The following MYO1F variants were observed in gnomAD, a reference collection of about 807,000 sequenced individuals.
MYO1F encodes unconventional myosin-If.
MYO1F carries 60 observed loss-of-function variants against 146.6 expected under a neutral mutation model. The observed-to-expected ratio is 0.41, with a 90% CI of 0.33 to 0.51. The LOEUF (loss-of-function observed/expected upper bound fraction) is 0.51. Ranked by LOEUF, MYO1F falls within the 20% of genes least tolerant of loss-of-function variation. MYO1F has a pLI of 0.25. For missense variants in MYO1F, 1,274 were observed against 1,534.3 expected (o/e 0.83, Z 2.83); for synonymous variants, 602 against 602.1 (o/e 1.00, Z 0.00).
intron 19 of MYO1F, 129 bp downstream of exon 19, chr19:8,536,123 A>G (rs1350966304): frequency 6.0e-5 from 73 of 1,218,536 alleles, no homozygotes; most frequent in South Asian, 1.0e-4. Context: ...CTGTTTCTCA[A>G]TTTCTCAATC....
intron 1 of MYO1F, among the ~76,000 whole-genome samples, chr19:8,559,985 A>G (rs945962963): frequency 2.0e-5 from 3 of 150,310 alleles, no homozygotes; most frequent in Non-Finnish European, 4.4e-5. Flanking sequence ...AAGAATTAAC[A>G]CTCAGCGAGC....
rs190474061 is a variant in MYO1F at position 8,545,556 on chromosome 19, G to A, written c.1356+94C>T. ...GAGTGTAGGGTAGAGAAGGGCCTGA[G>A]GATGCCATAACACCCTTGGCCCTCC... On this transcript the variant is annotated intron_variant, in intron 13 of 27. Coordinates refer to ENST00000644032, the MANE Select transcript of MYO1F (RefSeq NM_012335.4). 332 of 1,025,910 alleles carry A rather than the reference G, an allele frequency of 3.2e-4. 1 individual carries two copies. The Admixed American group carries it at 5.5e-3, about 17-fold the overall frequency. The allele number at this position is 1,025,910 out of a possible 1,614,324, so 63.6% of individuals were successfully genotyped here.
At chr19:8,560,705 A>G (rs1974054561) in intron 1 of MYO1F, among the ~76,000 whole-genome samples, 1 of 148,756 alleles carries the variant, frequency 6.7e-6, no homozygotes, top group African/African-American at 2.5e-5. Flanking sequence ...CCTCCTGTGT[A>G]GCTGAGACTA....
At position 8,550,186 on chromosome 19, in the gene MYO1F, C is replaced by A; in HGVS notation, c.1075G>T (p.Ala359Ser). 1.9e-6 allele frequency: 3 copies of A among 1,614,160 alleles called. No homozygotes were observed. The South Asian group carries it at 3.3e-5, about 18-fold the overall frequency. ...TCCACGAGGAAGTCGAAGAGGCGGG[C>A]ATAGAGCCCCTTGGCCAGGGCATCA... Reference protein sequence around the residue: ...TRDALAKGLYARLFDFLVEAI... With the variant: ...TRDALAKGLYSRLFDFLVEAI... The change falls in exon 10 of 28, where the codon GCC becomes TCC. Residue 359 changes from alanine to serine, a missense_variant. Coordinates refer to ENST00000644032, the MANE Select transcript of MYO1F (RefSeq NM_012335.4).
At position 8,559,671 on chromosome 19, in the gene MYO1F, C is replaced by T. The variant is rs771120029; in HGVS notation, c.4-3875G>A. 5.9e-5 allele frequency among the ~76,000 whole-genome samples: 9 copies of T among 152,106 alleles called. No homozygotes were observed. In the East Asian group the frequency reaches 9.7e-4, roughly 16 times the overall value. On this transcript the variant is annotated intron_variant, in intron 1 of 27. Transcript: ENST00000644032. ...GGGCATTTGAAAGAATTAACACGAC[C>T]GGGCGCGGTGGCTCACACCTGCAAT... is the stretch of plus-strand genomic sequence containing the variant.
In MYO1F at chr19:8,577,163, C is replaced by T. The variant is rs1285518184; in HGVS notation, c.3+144G>A. Reference sequence around the variant, plus strand: ...GTAAGGGATGCTGGAGGCACCTGAGCTGCACTGAGAGACACCCCACCCCCA... The same window carrying T: ...GTAAGGGATGCTGGAGGCACCTGAGTTGCACTGAGAGACACCCCACCCCCA... On this transcript the variant is annotated intron_variant, in intron 1 of 27. Transcript: ENST00000644032. The surrounding 1 kb of genome is among the most constrained non-coding windows in gnomAD (Gnocchi z 4.3). 1.9e-5 allele frequency: 18 copies of T among 956,966 alleles called. No homozygotes were observed. The highest frequency in any genetic ancestry group is 5.6e-5 in the South Asian group (4 of 71,410). The allele number at this position is 956,966 out of a possible 1,614,324, so 59.3% of individuals were successfully genotyped here.
At chr19:8,574,480 C>G (rs375463795) in intron 1 of MYO1F, among the ~76,000 whole-genome samples, 2 of 152,058 alleles carry the variant, frequency 1.3e-5, no homozygotes, top group African/African-American at 4.8e-5. Flanking sequence ...GACCATGGAG[C>G]GGGGCATTAG....
At position 8,537,018 on chromosome 19, in the gene MYO1F, C is replaced by T. The variant is rs1327097271; in HGVS notation, c.1730G>A (p.Cys577Tyr). The T allele has an allele frequency of 6.2e-7, 1 of 1,613,176 alleles. No individual in the cohort carries two copies. Among genetic ancestry groups the T allele is most frequent in the Non-Finnish European group, 8.5e-7 (1 of 1,179,740 alleles). ...ANDLVATLMR[C>Y]TPHYIRCIKP... ...GATGCAGCGGATGTAGTGGGGTGTG[C>T]ACCTCATCAGTGTGGCCACCAGGTC... The change falls in exon 17 of 28, where the codon TGC (cysteine) becomes TAC (tyrosine). Residue 577 changes from cysteine (C) to tyrosine (Y), a missense_variant. Transcript: ENST00000644032.
rs2042178966 is a variant in MYO1F, at chr19:8,574,581, CTCTCTCTCTCTCTCTCTT to C, written c.3+2708_3+2725del. Among the ~76,000 whole-genome samples, 34 of 97,346 alleles carry C rather than the reference CTCTCTCTCTCTCTCTCTT, an allele frequency of 3.5e-4. 3 individuals carry two copies. Among genetic ancestry groups the C allele is most frequent in the East Asian group, 1.6e-3 (6 of 3,862 alleles). The allele number at this position is 97,346 out of a possible 152,430, so 63.9% of individuals were successfully genotyped here. A position where few individuals can be genotyped will look rare whatever the true frequency, so the allele number is the denominator to read the frequency against. ...TTTCTTTCTTTCTTTCTTTCTTTCT[CTCTCTCTCTCTCTCTCTT>C]TCTTTCTTTCTTTCTTTCTTTCTTT... is the stretch of plus-strand genomic sequence containing the variant. On this transcript the variant is annotated intron_variant, in intron 1 of 27. Coordinates refer to ENST00000644032, the MANE Select transcript of MYO1F (RefSeq NM_012335.4).
At chr19:8,549,075 C>T (rs1449870290) in intron 10 of MYO1F, among the ~76,000 whole-genome samples, 14 of 151,986 alleles carry the variant, frequency 9.2e-5, no homozygotes, top group Admixed American at 9.2e-4. Flanking sequence ...CTCAGCCTCC[C>T]AAGTAGCTGG....
At chr19:8,526,653 C>T (rs922419582) in intron 23 of MYO1F, 52 bp from the exon 24 acceptor site, 4 of 1,559,022 alleles carry the variant, frequency 2.6e-6, no homozygotes, top group Admixed American at 3.9e-5. Context: ...CCCCGCCCCA[C>T]CCAACTCTCG....
At position 8,555,779 on chromosome 19, in the gene MYO1F, G is replaced by A. The variant is rs369340970; in HGVS notation, c.21C>T (p.Phe7=). The part of the protein sequence containing the change: MGSKER[F]HWQSHNVKQS... ...GCTTCACGTTGTGGCTCTGCCAGTG[G>A]AAGCGCTCCTTGCTGCCCTGGGGGG... Residue 7 remains phenylalanine (F), a synonymous_variant, in exon 2 of 28, where the codon TTC becomes TTT. Coordinates refer to ENST00000644032, the MANE Select transcript of MYO1F (RefSeq NM_012335.4). 2 of 1,613,638 alleles carry A rather than the reference G, an allele frequency of 1.2e-6. No homozygotes were observed. Among genetic ancestry groups the A allele is most frequent in the African/African-American group, 2.7e-5 (2 of 75,052 alleles).
chr19:8,525,667 G>T (rs1972237329), intron 24 of MYO1F, 105 bp from the exon 25 acceptor site: 1 of 945,666 alleles, frequency 1.1e-6, no homozygotes, highest in Non-Finnish European at 1.6e-6. Context: ...GCCCCCTCAG[G>T]CTCTCCCATT....
rs200369684 is a variant in MYO1F, at chr19:8,525,561, C to T, written c.2772G>A (p.Lys924=). ...SVGDGLPKSS[K]PTRKGMAKGK... ...CCTTGGCCATTCCCTTCCGCGTAGG[C>T]TCTGAAAGAAGAGTGTCAGGGAGTT... is the stretch of plus-strand genomic sequence containing the variant. The change falls in exon 25 of 28, where the codon AAG becomes AAA. Residue 924 remains lysine (K), a splice_region_variant and synonymous_variant. Coordinates refer to ENST00000644032, the MANE Select transcript of MYO1F (RefSeq NM_012335.4). The T allele has an allele frequency of 3.0e-4, 481 of 1,612,996 alleles. 1 individual carries two copies. The highest frequency in any genetic ancestry group is 7.5e-5 in the Non-Finnish European group (88 of 1,179,744).
chr19:8,522,660 G>A lies in MYO1F; in HGVS notation c.3024C>T (p.Leu1008=), dbSNP rs1972109270. 1 of 1,613,836 alleles carries A rather than the reference G, an allele frequency of 6.2e-7. No homozygotes were observed. Among genetic ancestry groups the A allele is most frequent in the Admixed American group, 1.7e-5 (1 of 59,996 alleles). The change falls in exon 26 of 28, where the codon CTC becomes CTT. Residue 1008 remains leucine, a synonymous_variant. Coordinates refer to ENST00000644032, the MANE Select transcript of MYO1F (RefSeq NM_012335.4). ...CGGCCATGCCCTGGTCAGGCACGTT[G>A]AGGAATTCTGTGTTGTGCTCTGAGG... ...RPPSEHNTEF[L]NVPDQGMAGM...
chr19:8,563,294 C>CTTTT (rs938198498), intron 1 of MYO1F, among the ~76,000 whole-genome samples: 4 of 118,650 alleles, frequency 3.4e-5, no homozygotes, highest in Admixed American at 8.9e-5. Context: ...TGCTTGGCCA[C>CTTTT]TTTTTTTTTT....
At chr19:8,546,453 G>A (rs567312069) in intron 12 of MYO1F, among the ~76,000 whole-genome samples, 1 of 151,882 alleles carries the variant, frequency 6.6e-6, no homozygotes, top group South Asian at 2.1e-4. Flanking sequence ...TTGACCTCCA[G>A]GGTTCAAGTG....
intron 25 of MYO1F, 37 bp downstream of exon 25, chr19:8,525,440 AAC>A (rs1184462647): frequency 6.4e-7 from 1 of 1,572,278 alleles, no homozygotes; most frequent in Admixed American, 1.7e-5. Context: ...TGGGACCCAC[AAC>A]AGACAAGGGA....
At chr19:8,538,180 G>T (rs1972810507) in intron 16 of MYO1F, among the ~76,000 whole-genome samples, 1 of 149,714 alleles carries the variant, frequency 6.7e-6, no homozygotes, top group African/African-American at 2.5e-5. Flanking sequence ...TGGCTGGGCT[G>T]GTCTTCAACT....
Sources: allele counts gnomAD v4.1 joint callset (sites outside exome capture counted in the v4.1 genomes callset), GRCh38; gene constraint gnomAD v4.1.1; non-coding constraint Gnocchi (gnomAD v3.1); transcripts MANE v1.5; gene names NCBI Gene and HGNC (gene_info 2026-07-23, HGNC 2026-07-21).